The following CERK variants were observed in gnomAD, a reference collection of about 807,000 sequenced individuals.
CERK encodes ceramide kinase.
In CERK, 39 loss-of-function variants were observed where a neutral mutation model predicts 63.4. The ratio of observed to expected loss-of-function variants is 0.61; its 90% confidence interval spans 0.48 to 0.80. The LOEUF (loss-of-function observed/expected upper bound fraction) is 0.80. CERK is among the 30% of genes least tolerant of loss of function. The probability of loss-of-function intolerance (pLI) is 0.00; values close to 1 mark genes in which losing one functional copy is unlikely to be tolerated. For synonymous variants in CERK, 302 were observed against 280.0 expected, an observed-to-expected ratio of 1.08 and a Z score of -0.78; for missense variants, 670 against 714.1, an observed-to-expected ratio of 0.94 and a Z score of 0.70.
intron 1 of CERK, among the ~76,000 whole-genome samples, chr22:46,729,453 G>A (rs576075836): frequency 2.0e-5 from 3 of 152,072 alleles, no homozygotes; most frequent in African/African-American, 7.2e-5. Flanking sequence ...CTGTCACTCA[G>A]GATGGAGTAC....
intron 8 of CERK, among the ~76,000 whole-genome samples, chr22:46,696,740 G>A (rs1230880621): frequency 6.6e-6 from 1 of 152,226 alleles, no homozygotes; most frequent in African/African-American, 2.4e-5. Context: ...GGCCAGGATG[G>A]GGATCCAGAG....
intron 4 of CERK, 30 bp from the exon 5 acceptor site, chr22:46,711,179 A>G: frequency 6.5e-7 from 1 of 1,549,138 alleles, no homozygotes; most frequent in Non-Finnish European, 8.9e-7. Flanking sequence ...CACACAGTTT[A>G]TATTCACATC....
At chr22:46,690,967 G>A (rs2082727290) in intron 11 of CERK, among the ~76,000 whole-genome samples, 1 of 151,804 alleles carries the variant, frequency 6.6e-6, no homozygotes, top group African/African-American at 2.4e-5. Context: ...GTATGTGTGT[G>A]TATATGTATG....
chr22:46,712,043 C>T (rs2082843610), intron 4 of CERK, 125 bp downstream of exon 4: 1 of 1,023,782 alleles, frequency 9.8e-7, no homozygotes. Context: ...CCCACAATTG[C>T]ACCACTGCAC....
At chr22:46,700,370 G>C (rs1170130122) in intron 7 of CERK, among the ~76,000 whole-genome samples, 1 of 152,190 alleles carries the variant, frequency 6.6e-6, no homozygotes, top group Non-Finnish European at 1.5e-5. Context: ...TCTAGCCTGG[G>C]CAACAAGAGC....
chr22:46,704,824 CAAA>C (rs11431926), intron 6 of CERK, among the ~76,000 whole-genome samples: 2 of 83,692 alleles, frequency 2.4e-5, no homozygotes, highest in Non-Finnish European at 4.6e-5. Context: ...GACTCCATCT[CAAA>C]AAAAAAAAAA....
chr22:46,690,171 G>A lies in CERK; in HGVS notation c.1362C>T (p.Arg454=), dbSNP rs144153120. 9.3e-6 allele frequency: 15 copies of A among 1,613,678 alleles called. No homozygotes were observed. Among genetic ancestry groups the A allele is most frequent in the East Asian group, 2.2e-5 (1 of 44,856 alleles). Residue 454 remains arginine (R), a synonymous_variant, in exon 12 of 13, where the codon CGC becomes CGT. Coordinates refer to ENST00000216264, the MANE Select transcript of CERK (RefSeq NM_022766.6). ...QFDFTFVEVY[R]VKKFQFTSKH... ...TCGACGTAAACTGGAATTTCTTGAC[G>A]CGATAAACTTCAACAAAAGTGAAGT...
intron 11 of CERK, among the ~76,000 whole-genome samples, chr22:46,690,987 A>ATATG (rs200009642): frequency 6.8e-6 from 1 of 146,032 alleles, no homozygotes; most frequent in Non-Finnish European, 1.5e-5. Flanking sequence ...GTATGTGTGT[A>ATATG]TATGTATGTA....
intron 8 of CERK, among the ~76,000 whole-genome samples, chr22:46,696,999 G>A (rs892381781): frequency 3.9e-5 from 6 of 152,138 alleles, no homozygotes; most frequent in East Asian, 1.9e-4. Flanking sequence ...TAAAATTCTC[G>A]CGGCTTCTCT....
rs368240599 is a variant in CERK, at chr22:46,701,523, G to A, written c.790+113C>T. The A allele has an allele frequency of 9.8e-5, 84 of 858,190 alleles. No individual in the cohort carries two copies. In the East Asian group the frequency reaches 1.5e-3, roughly 15 times the overall value. 53.2% of individuals were successfully genotyped at this position (858,190 alleles called of 1,614,324 possible). A position where few individuals can be genotyped will look rare whatever the true frequency, so the allele number is the denominator to read the frequency against. ...GAGCAGGGGACACAGCGTGACCCAC[G>A]GCCAGGACAGGACGGCAACGGCTGG... On this transcript the variant is annotated intron_variant, in intron 7 of 12. Coordinates refer to ENST00000216264, the MANE Select transcript of CERK (RefSeq NM_022766.6).
Position 46,711,128 on chromosome 22 carries a change from G to A in CERK, c.527C>T (p.Ala176Val). 6.2e-7 allele frequency: 1 copy of A among 1,613,666 alleles called. No homozygotes were observed. The highest frequency in any genetic ancestry group is 1.1e-5 in the South Asian group (1 of 91,062). ...DIIVTEHANQ[A>V]KETLYEINID... ...GTTAATCTCATACAGAGTCTCCTTG[G>A]CCTGATTAGCATGTTCAGTAACTGT... is the stretch of plus-strand genomic sequence containing the variant. The change falls in exon 5 of 13, where the codon GCC becomes GTC. Residue 176 changes from alanine (A) to valine (V), a missense_variant. Coordinates refer to ENST00000216264, the MANE Select transcript of CERK (RefSeq NM_022766.6).
chr22:46,704,078 T>C (rs1046438708), intron 6 of CERK, among the ~76,000 whole-genome samples: 1 of 152,230 alleles, frequency 6.6e-6, no homozygotes, highest in African/African-American at 2.4e-5. Flanking sequence ...TGGGAAAGGC[T>C]TTTATGCCCA....
At chr22:46,716,815 G>A (rs1182401358) in intron 3 of CERK, among the ~76,000 whole-genome samples, 12 of 151,858 alleles carry the variant, frequency 7.9e-5, no homozygotes, top group African/African-American at 2.2e-4. Context: ...GGTGGCACAC[G>A]CCTGTAGTCC....
intron 9 of CERK, among the ~76,000 whole-genome samples, chr22:46,694,893 G>A (rs1231967354): frequency 6.6e-6 from 1 of 152,152 alleles, no homozygotes; most frequent in Non-Finnish European, 1.5e-5. Flanking sequence ...TCAGGCCCCT[G>A]CAGGGGGTAA....
chr22:46,731,491 C>T (rs1463069543), intron 1 of CERK, among the ~76,000 whole-genome samples: 3 of 152,260 alleles, frequency 2.0e-5, no homozygotes, highest in Non-Finnish European at 4.4e-5. Flanking sequence ...GTACCAGCGC[C>T]GTTCCCTGCT....
intron 3 of CERK, among the ~76,000 whole-genome samples, chr22:46,712,778 AT>A (rs2082847851): frequency 6.6e-6 from 1 of 151,860 alleles, no homozygotes; most frequent in African/African-American, 2.4e-5. Flanking sequence ...CCTCGTTTCC[AT>A]CTCTCCAGGG....
chr22:46,725,207 G>A (rs16995658), intron 1 of CERK, among the ~76,000 whole-genome samples: 3,672 of 151,944 alleles, frequency 0.024, 67 homozygotes, highest in Middle Eastern at 0.075. Flanking sequence ...TCGGCATTAC[G>A]CCCTAGTCTT....
intron 8 of CERK, among the ~76,000 whole-genome samples, chr22:46,695,773 G>C (rs1435225806): frequency 5.9e-5 from 9 of 152,256 alleles, no homozygotes; most frequent in African/African-American, 2.2e-4. Context: ...AACAGCTCAG[G>C]ACAGAGGCCA....
In CERK at chr22:46,725,751, G is replaced by A. The variant is rs115526300; in HGVS notation, c.143-4736C>T. On this transcript the variant is annotated intron_variant, in intron 1 of 12. Coordinates refer to ENST00000216264, the MANE Select transcript of CERK (RefSeq NM_022766.6). Reference sequence around the variant, plus strand: ...CAGAAAAATCAAATGCCATGTCAGCGAGTGAGGCTGGCCTCCTGGTTCTCG... The same window carrying A: ...CAGAAAAATCAAATGCCATGTCAGCAAGTGAGGCTGGCCTCCTGGTTCTCG... 3.6e-3 allele frequency among the ~76,000 whole-genome samples: 544 copies of A among 152,338 alleles called. 5 individuals carry two copies. The highest frequency in any genetic ancestry group is 0.013 in the African/African-American group (529 of 41,568).
Sources: gnomAD v4.1 joint callset for allele counts (sites outside exome capture counted in the v4.1 genomes callset) on GRCh38, gnomAD v4.1.1 for gene constraint, MANE v1.5 for transcripts, NCBI Gene and HGNC (gene_info 2026-07-23, HGNC 2026-07-21) for gene names.